The following ETS1 variants were observed in gnomAD, a reference collection of about 807,000 sequenced individuals.
ETS1 encodes protein C-ets-1.
Under a neutral mutation model 58.6 loss-of-function variants are expected in ETS1, and 15 were observed. That is an observed-to-expected ratio of 0.26 (90% CI 0.17 to 0.39). The LOEUF (loss-of-function observed/expected upper bound fraction) is 0.39, where lower values mean the gene tolerates loss of function less well. Among genes scored for constraint, ETS1 ranks in the 10% least tolerant of loss-of-function variants. The pLI, the probability that ETS1 is intolerant of heterozygous loss-of-function variation, is 1.00. For synonymous variants in ETS1, 214 were observed against 218.2 expected (o/e 0.98, Z 0.17); for missense variants, 417 against 610.5 (o/e 0.68, Z 3.34).
At chr11:128,550,393 G>A (rs1864210421) in intron 3 of ETS1, among the ~76,000 whole-genome samples, 1 of 152,210 alleles carries the variant, frequency 6.6e-6, no homozygotes, top group Non-Finnish European at 1.5e-5. Context: ...CTGATCAGAG[G>A]CATGCCCTCC....
At chr11:128,558,683 AAGAG>A (rs1565409623) in intron 2 of ETS1, among the ~76,000 whole-genome samples, 1 of 147,236 alleles carries the variant, frequency 6.8e-6, no homozygotes, top group Non-Finnish European at 1.5e-5. Flanking sequence ...AAAAAAAAAA[AAGAG>A]AGAGAGAGAG....
intron 3 of ETS1, among the ~76,000 whole-genome samples, chr11:128,518,816 G>A (rs1204408297): frequency 2.0e-5 from 3 of 152,246 alleles, no homozygotes; most frequent in Non-Finnish European, 2.9e-5. Flanking sequence ...GCATGTTCCC[G>A]ATGGATGTAC....
chr11:128,510,882 T>A (rs1863374956), intron 3 of ETS1, among the ~76,000 whole-genome samples: 1 of 152,200 alleles, frequency 6.6e-6, no homozygotes, highest in Non-Finnish European at 1.5e-5. Context: ...CCTCCCATAA[T>A]GACCAAAATA....
chr11:128,471,506 T>A (rs1418898976), intron 8 of ETS1, among the ~76,000 whole-genome samples: 1 of 152,240 alleles, frequency 6.6e-6, no homozygotes. Flanking sequence ...AACCCATCAG[T>A]AACTCTGTCT....
At chr11:128,546,843 C>A (rs1353950973) in intron 3 of ETS1, among the ~76,000 whole-genome samples, 2 of 152,072 alleles carry the variant, frequency 1.3e-5, no homozygotes, top group African/African-American at 4.8e-5. Context: ...TGGGGAAAAT[C>A]TACTGTGCAC....
intron 1 of ETS1, among the ~76,000 whole-genome samples, chr11:128,580,251 A>G (rs951078385): frequency 6.6e-5 from 10 of 151,602 alleles, no homozygotes; most frequent in Non-Finnish European, 1.0e-4. Context: ...TAGGCTTCTC[A>G]AGAGTTAACT....
chr11:128,573,292 T>C lies in ETS1; in HGVS notation c.-14-148A>G, dbSNP rs1372609454. On this transcript the variant is annotated intron_variant, in intron 1 of 9. Transcript: ENST00000392668. ...TGCATGGCAGGGAAAGCAATGGAAA[T>C]TCAGAAAGATCAGTGACTAACCCCC... The C allele has an allele frequency of 1.4e-5, 9 of 623,630 alleles. No individual in the cohort carries two copies. In the East Asian group the frequency reaches 2.5e-4, roughly 17 times the overall value. 38.6% of individuals were successfully genotyped at this position (623,630 alleles called of 1,614,324 possible).
chr11:128,585,091 GAAAGA>G (rs1864974976), intron 1 of ETS1, among the ~76,000 whole-genome samples: 2 of 18,632 alleles, frequency 1.1e-4, no homozygotes, highest in Non-Finnish European at 1.9e-4. Context: ...AGAAAGAAAG[GAAAGA>G]AAGAAAGGAA....
At chr11:128,521,757 T>C (rs1042739151) in intron 3 of ETS1, among the ~76,000 whole-genome samples, 9 of 151,514 alleles carry the variant, frequency 5.9e-5, no homozygotes, top group Admixed American at 4.6e-4. Flanking sequence ...TCCTCCTCCT[T>C]CTCCTCCTCG....
chr11:128,544,483 C>A (rs986589979), intron 3 of ETS1, among the ~76,000 whole-genome samples: 3 of 151,622 alleles, frequency 2.0e-5, no homozygotes, highest in South Asian at 2.1e-4. Flanking sequence ...TCCCTGAGCC[C>A]CTCACCCCTG....
intron 3 of ETS1, among the ~76,000 whole-genome samples, chr11:128,507,081 G>C (rs914275963): frequency 6.6e-6 from 1 of 152,108 alleles, no homozygotes; most frequent in Non-Finnish European, 1.5e-5. Flanking sequence ...CACTGCACAG[G>C]AACTGAGGAA....
rs1863218489 is a variant in ETS1, at chr11:128,505,962, T to C, written c.215-15386A>G. 2.0e-5 allele frequency among the ~76,000 whole-genome samples: 3 copies of C among 152,170 alleles called. No individual in the cohort carries two copies. In the South Asian group the frequency reaches 6.2e-4, roughly 32 times the overall value. Reference sequence around the variant, plus strand: ...TCACTACACAGTGGAGCCTAACCAATGAGCCCTCAGAATAAACCCTGGGCT... The same window carrying C: ...TCACTACACAGTGGAGCCTAACCAACGAGCCCTCAGAATAAACCCTGGGCT... On this transcript the variant is annotated intron_variant, in intron 3 of 9. Coordinates refer to ENST00000392668, the MANE Select transcript of ETS1 (RefSeq NM_001143820.2).
At chr11:128,552,415 A>C (rs1343977797) in intron 3 of ETS1, among the ~76,000 whole-genome samples, 1 of 152,238 alleles carries the variant, frequency 6.6e-6, no homozygotes, top group East Asian at 1.9e-4. Context: ...ATCAAAGACC[A>C]TGGTAATAAG....
At chr11:128,478,358 AAGGAGGAAGGAAGGGAGGGAGGG>A (rs1862384203) in intron 8 of ETS1, among the ~76,000 whole-genome samples, 1 of 21,982 alleles carries the variant, frequency 4.5e-5, no homozygotes. Context: ...AGGAGGAAGG[AAGGAGGAAGGAAGGGAGGGAGGG>A]AGGAAGGGAG....
intron 3 of ETS1, among the ~76,000 whole-genome samples, chr11:128,527,904 C>A (rs1863829668): frequency 6.6e-6 from 1 of 152,218 alleles, no homozygotes; most frequent in African/African-American, 2.4e-5. Context: ...TTTCCCCTCT[C>A]CCCACTACTT....
intron 1 of ETS1, among the ~76,000 whole-genome samples, chr11:128,580,570 C>G (rs1369440805): frequency 2.0e-5 from 3 of 152,206 alleles, no homozygotes; most frequent in African/African-American, 7.2e-5. Context: ...TTTTCTGTCT[C>G]ACTACTAAAT....
chr11:128,584,285 C>T (rs1390488178), intron 1 of ETS1, among the ~76,000 whole-genome samples: 1 of 152,178 alleles, frequency 6.6e-6, no homozygotes, highest in Non-Finnish European at 1.5e-5. Context: ...GCAAATCAGT[C>T]TAAGCAGAAA....
At chr11:128,525,166 T>C (rs964065493) in intron 3 of ETS1, among the ~76,000 whole-genome samples, 2 of 152,110 alleles carry the variant, frequency 1.3e-5, no homozygotes, top group African/African-American at 4.8e-5. Flanking sequence ...TCCTACCAAG[T>C]GCTGAATTGC....
chr11:128,544,367 A>ATATATATATATATATATATG (rs1491442597), intron 3 of ETS1, among the ~76,000 whole-genome samples: 8 of 143,606 alleles, frequency 5.6e-5, no homozygotes, highest in African/African-American at 2.0e-4. Flanking sequence ...ATATATATAT[A>ATATATATATATATATATATG]TGGAATTTCC....
Sources: gnomAD v4.1 joint callset for allele counts (sites outside exome capture counted in the v4.1 genomes callset) on GRCh38, gnomAD v4.1.1 for gene constraint, MANE v1.5 for transcripts, NCBI Gene and HGNC (gene_info 2026-07-23, HGNC 2026-07-21) for gene names.